SARNP: variants seen among roughly 807,000 people sequenced by gnomAD.
SARNP encodes SAP domain containing ribonucleoprotein.
Under a neutral mutation model 38.1 loss-of-function variants are expected in SARNP, and 5 were observed. The ratio of observed to expected loss-of-function variants is 0.13; its 90% CI spans 0.07 to 0.28. The LOEUF (loss-of-function observed/expected upper bound fraction) is 0.28. Ranked by LOEUF, SARNP falls within the 10% of genes least tolerant of loss-of-function variation. SARNP has a pLI of 1.00. For missense variants in SARNP, 180 were observed against 243.9 expected (o/e 0.74, Z 1.75); for synonymous variants, 84 against 80.6 (o/e 1.04, Z -0.23).
At chr12:55,805,968 C>T (rs1880126861) in intron 1 of SARNP, among the ~76,000 whole-genome samples, 1 of 151,432 alleles carries the variant, frequency 6.6e-6, no homozygotes, top group South Asian at 2.1e-4. Context: ...ACCTGGGACG[C>T]AGAGGTTGCA....
chr12:55,769,452 C>G (rs2432579), intron 9 of SARNP, among the ~76,000 whole-genome samples: 83,556 of 152,050 alleles, frequency 0.55, 26,782 homozygotes, highest in African/African-American at 0.88. Flanking sequence ...GGACTCATAA[C>G]GGAAATTTGC....
intron 5 of SARNP, among the ~76,000 whole-genome samples, chr12:55,795,505 A>C (rs1202215502): frequency 6.6e-6 from 1 of 152,232 alleles, no homozygotes; most frequent in Non-Finnish European, 1.5e-5. Flanking sequence ...AAGTGATCAA[A>C]GGAATAGCTT....
intron 1 of SARNP, among the ~76,000 whole-genome samples, chr12:55,810,370 C>T (rs1880288536): frequency 6.6e-6 from 1 of 152,062 alleles, no homozygotes; most frequent in African/African-American, 2.4e-5. Context: ...GCCTCAGCCT[C>T]CCAAAGTGTT....
chr12:55,756,327 A>G (rs1302652964), downstream of SARNP: 1 of 152,242 alleles, frequency 6.6e-6, no homozygotes. Flanking sequence ...TCTGCTCTCC[A>G]AGGCACAATT....
intron 1 of SARNP, among the ~76,000 whole-genome samples, chr12:55,813,366 T>C (rs897069090): frequency 1.3e-5 from 2 of 152,014 alleles, no homozygotes; most frequent in Non-Finnish European, 2.9e-5. Context: ...GTGAAACACC[T>C]GAAAGGGGTG....
At chr12:55,797,800 A>C (rs1418210891) in intron 4 of SARNP, among the ~76,000 whole-genome samples, 1 of 152,192 alleles carries the variant, frequency 6.6e-6, no homozygotes, top group Admixed American at 6.5e-5. Flanking sequence ...CCAATCACAT[A>C]AACAACATTC....
chr12:55,766,287 C>T (rs1878827018), intron 9 of SARNP, among the ~76,000 whole-genome samples: 2 of 152,094 alleles, frequency 1.3e-5, no homozygotes, highest in South Asian at 2.1e-4. Context: ...GCCCTTATTT[C>T]CTATCAAATC....
chr12:55,808,059 A>T (rs1036929202), intron 1 of SARNP, among the ~76,000 whole-genome samples: 1 of 152,218 alleles, frequency 6.6e-6, no homozygotes, highest in Non-Finnish European at 1.5e-5. Context: ...TATCATTTGT[A>T]GTGAGGCGTG....
In SARNP at chr12:55,801,262, G is replaced by A. The variant is rs552245704; in HGVS notation, c.137-362C>T. Among the ~76,000 whole-genome samples, 22 of 152,230 alleles carry A rather than the reference G, an allele frequency of 1.4e-4. No individual in the cohort carries two copies. The South Asian group carries it at 2.9e-3, about 20-fold the overall frequency. On this transcript the variant is annotated intron_variant, in intron 2 of 10. Coordinates refer to ENST00000336133, the MANE Select transcript of SARNP (RefSeq NM_033082.4). Reference sequence around the variant, plus strand: ...AAGCGACCAGCTTGGGGAACACAGCGAAACCCCGTCTTTACAAAAAACATA... The same window carrying A: ...AAGCGACCAGCTTGGGGAACACAGCAAAACCCCGTCTTTACAAAAAACATA...
chr12:55,803,090 G>C (rs915605295), intron 2 of SARNP, among the ~76,000 whole-genome samples: 1 of 152,014 alleles, frequency 6.6e-6, no homozygotes. Context: ...ATTAGAACGG[G>C]TGCCTAAATG....
At chr12:55,774,883 G>GTTTT (rs367957447) in intron 9 of SARNP, among the ~76,000 whole-genome samples, 9 of 110,728 alleles carry the variant, frequency 8.1e-5, no homozygotes, top group Non-Finnish European at 9.1e-5. Flanking sequence ...ATTTCTATTT[G>GTTTT]TTTTTTTTTT....
At chr12:55,785,481 A>AT (rs898278450) in intron 9 of SARNP, among the ~76,000 whole-genome samples, 89 of 146,668 alleles carry the variant, frequency 6.1e-4, no homozygotes, top group East Asian at 1.2e-3. Context: ...ACTGTATACA[A>AT]TTTTTTTTTT....
chr12:55,809,040 C>A (rs918916539), intron 1 of SARNP, among the ~76,000 whole-genome samples: 7 of 151,964 alleles, frequency 4.6e-5, no homozygotes, highest in African/African-American at 1.7e-4. Flanking sequence ...AATCCCATCT[C>A]TACTAAAAAT....
intron 1 of SARNP, among the ~76,000 whole-genome samples, chr12:55,810,984 G>A (rs1880310507): frequency 6.6e-6 from 1 of 151,880 alleles, no homozygotes; most frequent in Non-Finnish European, 1.5e-5. Context: ...GGCTGAGGCA[G>A]GAGAAGGGCT....
At position 55,801,030 on chromosome 12, in the gene SARNP, T is replaced by A. The variant is rs1045861633; in HGVS notation, c.137-130A>T. On this transcript the variant is annotated intron_variant, in intron 2 of 10. Coordinates refer to ENST00000336133, the MANE Select transcript of SARNP (RefSeq NM_033082.4). ...CAGTGAAGGCAGAAACTGATGCACATAAAATCTGCTACATCTGGAGAAGAT... is the reference window on the plus strand; with the variant it reads ...CAGTGAAGGCAGAAACTGATGCACAAAAAATCTGCTACATCTGGAGAAGAT... 12 of 717,842 alleles carry A rather than the reference T, an allele frequency of 1.7e-5. No individual in the cohort carries two copies. In the Admixed American group the frequency reaches 2.1e-4, roughly 13 times the overall value. The allele number at this position is 717,842 out of a possible 1,614,324, so 44.5% of individuals were successfully genotyped here. A position where few individuals can be genotyped will look rare whatever the true frequency, so the allele number is the denominator to read the frequency against.
chr12:55,778,121 G>A (rs1337711024), intron 9 of SARNP, among the ~76,000 whole-genome samples: 1 of 151,560 alleles, frequency 6.6e-6, no homozygotes, highest in Non-Finnish European at 1.5e-5. Flanking sequence ...AGGTCAGAGA[G>A]TTTCCCCCAT....
chr12:55,783,282 T>TTAGA (rs1373159196), intron 9 of SARNP, among the ~76,000 whole-genome samples: 3 of 151,138 alleles, frequency 2.0e-5, no homozygotes, highest in Non-Finnish European at 1.5e-5. Flanking sequence ...CAGGTAGATG[T>TTAGA]TATTTATCTG....
chr12:55,758,498 A>C (rs369680476), intron 10 of SARNP, among the ~76,000 whole-genome samples: 3 of 152,042 alleles, frequency 2.0e-5, no homozygotes, highest in East Asian at 3.9e-4. Flanking sequence ...CACAAAAATT[A>C]GCCGGGTGTG....
chr12:55,785,585 G>C (rs1220101001), intron 9 of SARNP, among the ~76,000 whole-genome samples: 1 of 151,590 alleles, frequency 6.6e-6, no homozygotes, highest in Admixed American at 6.6e-5. Flanking sequence ...GGCCAAAGTT[G>C]AACAACATGA....
Sources: allele counts gnomAD v4.1 joint callset (sites outside exome capture counted in the v4.1 genomes callset), GRCh38; gene constraint gnomAD v4.1.1; transcripts MANE v1.5; gene names NCBI Gene and HGNC (gene_info 2026-07-23, HGNC 2026-07-21).